The following DOCK1 variants were observed in gnomAD, a reference collection of about 807,000 sequenced individuals.
DOCK1 encodes dedicator of cytokinesis protein 1.
In DOCK1, 138 loss-of-function variants were observed where a neutral mutation model predicts 262.7. That is an observed-to-expected ratio of 0.53 (90% CI 0.46 to 0.61). The LOEUF is 0.61. Among genes scored for constraint, DOCK1 ranks in the 20% least tolerant of loss-of-function variants. The probability of loss-of-function intolerance (pLI) is 0.00; values close to 1 mark genes in which losing one functional copy is unlikely to be tolerated. For synonymous variants in DOCK1, 866 were observed against 867.4 expected, an observed-to-expected ratio of 1.00 and a Z score of 0.03; for missense variants, 1,908 against 2,370.7, an observed-to-expected ratio of 0.80 and a Z score of 4.05.
At chr10:127,352,012 T>C (rs1003962695) in intron 31 of DOCK1, among the ~76,000 whole-genome samples, 5 of 151,118 alleles carry the variant, frequency 3.3e-5, no homozygotes, top group African/African-American at 1.2e-4. Flanking sequence ...TGGGCTCTTG[T>C]ATCCTTGCTA....
At chr10:127,082,733 AGG>A (rs2046977150) in intron 23 of DOCK1, among the ~76,000 whole-genome samples, 1 of 152,100 alleles carries the variant, frequency 6.6e-6, no homozygotes, top group Non-Finnish European at 1.5e-5. Flanking sequence ...GTCTGGCTGG[AGG>A]GGAAGGAGAC....
chr10:126,916,510 T>C (rs2032510229), intron 1 of DOCK1, among the ~76,000 whole-genome samples: 1 of 152,338 alleles, frequency 6.6e-6, no homozygotes, highest in South Asian at 2.1e-4. Context: ...GTGTAACCTA[T>C]GTATAGAGAC....
At chr10:127,114,307 A>G (rs2049040691) in intron 25 of DOCK1, among the ~76,000 whole-genome samples, 1 of 152,194 alleles carries the variant, frequency 6.6e-6, no homozygotes, top group South Asian at 2.1e-4. Flanking sequence ...CAGAGAAAGA[A>G]GCAGGACCAG....
At position 127,256,858 on chromosome 10, in the gene DOCK1, G is replaced by A. The variant is rs12569950; in HGVS notation, c.2950-477G>A. On this transcript the variant is annotated intron_variant, in intron 28 of 51. Transcript: ENST00000623213. ...ATTGCATGCCAAATCTGTGCAGATG[G>A]TCAGGAGTACCTGTTGGAGCCTTTC... is the stretch of plus-strand genomic sequence containing the variant. Among the ~76,000 whole-genome samples, 1,063 of 152,310 alleles carry A rather than the reference G, an allele frequency of 7.0e-3. 56 individuals carry two copies. In the East Asian group the frequency reaches 0.15, roughly 21 times the overall value.
At chr10:127,046,620 G>C (rs971358090) in intron 21 of DOCK1, among the ~76,000 whole-genome samples, 1 of 151,984 alleles carries the variant, frequency 6.6e-6, no homozygotes, top group African/African-American at 2.4e-5. Flanking sequence ...AGTTAGCCTT[G>C]TGTGGTGGCA....
intron 27 of DOCK1, among the ~76,000 whole-genome samples, chr10:127,165,702 T>C (rs575189436): frequency 1.3e-4 from 20 of 152,090 alleles, no homozygotes; most frequent in Non-Finnish European, 2.1e-4. Context: ...ACCACTGATA[T>C]TACAAATGGC....
At chr10:127,092,272 A>G (rs2047583365) in intron 23 of DOCK1, among the ~76,000 whole-genome samples, 1 of 152,088 alleles carries the variant, frequency 6.6e-6, no homozygotes, top group Admixed American at 6.6e-5. Flanking sequence ...CGGGGAGGAG[A>G]GGTCAGGATT....
At chr10:127,219,644 C>G (rs2058347704) in intron 27 of DOCK1, among the ~76,000 whole-genome samples, 1 of 152,150 alleles carries the variant, frequency 6.6e-6, no homozygotes. Context: ...CCATTTCTCC[C>G]TCCTCTCAGC....
intron 27 of DOCK1, among the ~76,000 whole-genome samples, chr10:127,184,350 A>G (rs2056023557): frequency 8.0e-6 from 1 of 125,256 alleles, no homozygotes; most frequent in African/African-American, 3.3e-5. Context: ...AGTCGTCACC[A>G]TGCCCTATTC....
At chr10:127,364,187 G>A (rs1481757175) in intron 33 of DOCK1, among the ~76,000 whole-genome samples, 5 of 152,154 alleles carry the variant, frequency 3.3e-5, no homozygotes, top group South Asian at 2.1e-4. Context: ...TTTCGTCAGG[G>A]TTGTTCCGGA....
At chr10:127,035,446 G>T (rs2043527944) in intron 18 of DOCK1, among the ~76,000 whole-genome samples, 1 of 152,108 alleles carries the variant, frequency 6.6e-6, no homozygotes. Context: ...CATCTGCCTT[G>T]GGCAGCCTCA....
At chr10:127,432,418 C>T (rs549819070) in intron 47 of DOCK1, among the ~76,000 whole-genome samples, 14 of 133,120 alleles carry the variant, frequency 1.1e-4, no homozygotes, top group East Asian at 7.9e-4. Flanking sequence ...ATGAGATGGG[C>T]GGGGTGGGGT....
At chr10:127,093,239 C>CTTTCTTTCTTTTCTTTCTTTCTTTCT (rs372397425) in intron 23 of DOCK1, among the ~76,000 whole-genome samples, 1 of 94,268 alleles carries the variant, frequency 1.1e-5, no homozygotes, top group African/African-American at 4.9e-5. Flanking sequence ...TTCTTTCTTT[C>CTTTCTTTCTTTTCTTTCTTTCTTTCT]TTCTTTTTTT....
intron 23 of DOCK1, among the ~76,000 whole-genome samples, chr10:127,078,524 A>G (rs781346322): frequency 1.3e-5 from 2 of 152,132 alleles, no homozygotes; most frequent in Admixed American, 6.5e-5. Context: ...GTGTCATAAC[A>G]TGACATTCTG....
chr10:127,280,144 C>T (rs866856699), intron 29 of DOCK1, among the ~76,000 whole-genome samples: 6 of 150,524 alleles, frequency 4.0e-5, no homozygotes, highest in Non-Finnish European at 7.4e-5. Context: ...ACGCCATTCT[C>T]CTGCCTCAGC....
At chr10:127,209,823 T>C (rs2134317359) in intron 27 of DOCK1, among the ~76,000 whole-genome samples, 1 of 152,318 alleles carries the variant, frequency 6.6e-6, no homozygotes, top group East Asian at 1.9e-4. Flanking sequence ...AAGGTGGTTA[T>C]AAATGCATGT....
intron 29 of DOCK1, among the ~76,000 whole-genome samples, chr10:127,272,902 A>C (rs2060619671): frequency 6.6e-6 from 1 of 152,194 alleles, no homozygotes; most frequent in South Asian, 2.1e-4. Flanking sequence ...ATCAAGAGGA[A>C]CAGCACGAAA....
intron 1 of DOCK1, among the ~76,000 whole-genome samples, chr10:126,907,890 TA>T (rs2031153263): frequency 6.6e-6 from 1 of 151,944 alleles, no homozygotes; most frequent in Non-Finnish European, 1.5e-5. Context: ...AAAATAAATT[TA>T]AAAAAGTTAA....
At position 127,350,310 on chromosome 10, in the gene DOCK1, C is replaced by CT. The variant is rs1554953670; in HGVS notation, c.3225-4358dup. ...TGCAGCCTCTGCTCACGGTGCACCC[C>CT]TCACCCCCTGGTCTCTCAAACAGGA... On this transcript the variant is annotated intron_variant, in intron 31 of 51. Transcript: ENST00000623213. 8.1e-4 allele frequency among the ~76,000 whole-genome samples: 123 copies of CT among 151,928 alleles called. 1 individual carries two copies. The highest frequency in any genetic ancestry group is 1.9e-3 in the African/African-American group (78 of 41,404).
Sources: gnomAD v4.1 joint callset for allele counts (sites outside exome capture counted in the v4.1 genomes callset) on GRCh38, gnomAD v4.1.1 for gene constraint, MANE v1.5 for transcripts, NCBI Gene and HGNC (gene_info 2026-07-23, HGNC 2026-07-21) for gene names.